ACOT7: variants seen among roughly 807,000 people sequenced by gnomAD.
ACOT7 encodes the protein cytosolic acyl coenzyme A thioester hydrolase.
In ACOT7, 12 loss-of-function variants were observed where a neutral mutation model predicts 40.2. That is an observed-to-expected ratio of 0.30 (90% confidence interval 0.19 to 0.48). ACOT7 has a LOEUF of 0.48. Among genes scored for constraint, ACOT7 ranks in the 20% least tolerant of loss-of-function variants. The probability of loss-of-function intolerance (pLI) is 0.99; values close to 1 mark genes in which losing one functional copy is unlikely to be tolerated. For synonymous variants in ACOT7, 228 were observed against 219.5 expected (o/e 1.04, Z -0.34); for missense variants, 395 against 530.8 (o/e 0.74, Z 2.51).
intron 7 of ACOT7, among the ~76,000 whole-genome samples, chr1:6,292,284 G>T (rs1571276793): frequency 6.6e-6 from 1 of 152,260 alleles, no homozygotes; most frequent in South Asian, 2.1e-4. Context: ...CCGAGACGAG[G>T]TGGGGGCCTG....
chr1:6,350,103 G>T (rs1489388687), intron 1 of ACOT7, among the ~76,000 whole-genome samples: 2 of 152,212 alleles, frequency 1.3e-5, no homozygotes, highest in East Asian at 3.8e-4. Context: ...GGGCAGAGGG[G>T]CACTTTCTCC....
In ACOT7 at chr1:6,358,422, C is replaced by T. The variant is rs989173266; in HGVS notation, c.144-8556G>A. ...CTCCTTGTGCAGCCCACAGACCCCC[C>T]CTCCACCGCAGGTAGGAAGCTCAGC... On this transcript the variant is annotated intron_variant, in intron 1 of 8. Coordinates refer to ENST00000361521, the MANE Select transcript of ACOT7 (RefSeq NM_007274.4). The surrounding 1 kb of genome is among the most constrained non-coding windows in gnomAD (Gnocchi z 4.1). Among the ~76,000 whole-genome samples the T allele has an allele frequency of 6.6e-6, 1 of 152,222 alleles. No homozygotes were observed. The highest frequency in any genetic ancestry group is 1.5e-5 in the Non-Finnish European group (1 of 68,034).
chr1:6,323,851 C>T (rs1222579052), intron 5 of ACOT7, among the ~76,000 whole-genome samples: 1 of 149,378 alleles, frequency 6.7e-6, no homozygotes, highest in East Asian at 2.0e-4. Flanking sequence ...ACGAGGCCAC[C>T]CCTGTGGAGG....
intron 1 of ACOT7, among the ~76,000 whole-genome samples, chr1:6,357,081 T>C (rs760574971): frequency 4.0e-5 from 6 of 149,648 alleles, no homozygotes; most frequent in African/African-American, 7.4e-5. Flanking sequence ...CTACTAAAAA[T>C]ACAAAATTAG....
intron 6 of ACOT7, among the ~76,000 whole-genome samples, chr1:6,296,778 C>T (rs1383361825): frequency 2.0e-5 from 3 of 151,980 alleles, no homozygotes; most frequent in African/African-American, 7.3e-5. Context: ...TGCTATATTG[C>T]CCAGGCTGGT....
intron 2 of ACOT7, 150 bp from the exon 3 acceptor site, chr1:6,339,739 G>GTTTTT (rs57275707): frequency 2.8e-4 from 149 of 526,284 alleles, no homozygotes; most frequent in Non-Finnish European, 3.3e-4. Context: ...TGGCACCGCG[G>GTTTTT]TTTTTTTTTT....
intron 3 of ACOT7, among the ~76,000 whole-genome samples, chr1:6,337,575 C>T (rs539817851): frequency 6.6e-6 from 1 of 152,290 alleles, no homozygotes; most frequent in East Asian, 1.9e-4. Context: ...AAGCTCAGTA[C>T]CCCTGACCTT....
At chr1:6,327,177 G>A (rs17029374) in intron 5 of ACOT7, 122 bp downstream of exon 5, 50,038 of 1,003,284 alleles carry the variant, frequency 0.05, 1,620 homozygotes, top group African/African-American at 0.12. Context: ...ACTGGTTCCC[G>A]GAGAGCATGC....
In ACOT7 at chr1:6,312,482, G is replaced by C. The variant is rs558445082; in HGVS notation, c.712+6010C>G. Among the ~76,000 whole-genome samples, 5 of 123,774 alleles carry C rather than the reference G, an allele frequency of 4.0e-5. No individual in the cohort carries two copies. The East Asian group carries it at 1.3e-3, about 32-fold the overall frequency. The allele number at this position is 123,774 out of a possible 152,430, so 81.2% of individuals were successfully genotyped here. A position where few individuals can be genotyped will look rare whatever the true frequency, so the allele number is the denominator to read the frequency against. On this transcript the variant is annotated intron_variant, in intron 6 of 8. Coordinates refer to ENST00000361521, the MANE Select transcript of ACOT7 (RefSeq NM_007274.4). Reference sequence around the variant, plus strand: ...CTTTCTTTCTTTATTTCTTTATTTCGAGGCAGAGTCTCGCTCTGTCACCCA... The same window carrying C: ...CTTTCTTTCTTTATTTCTTTATTTCCAGGCAGAGTCTCGCTCTGTCACCCA...
chr1:6,341,290 C>G (rs113551394), intron 2 of ACOT7, among the ~76,000 whole-genome samples: 4,130 of 151,770 alleles, frequency 0.027, 191 homozygotes, highest in African/African-American at 0.094. Context: ...TACAGATGTG[C>G]ACCACCACGC....
At chr1:6,302,903 C>T (rs965718801) in intron 6 of ACOT7, among the ~76,000 whole-genome samples, 2 of 152,182 alleles carry the variant, frequency 1.3e-5, no homozygotes, top group African/African-American at 4.8e-5. Context: ...ACACACAAGA[C>T]ACTACAATCA....
chr1:6,353,570 G>A (rs528333932), intron 1 of ACOT7, among the ~76,000 whole-genome samples: 1 of 152,286 alleles, frequency 6.6e-6, no homozygotes, highest in Admixed American at 6.5e-5. Context: ...AAAGGCAGAG[G>A]TTGCAGTGGG....
chr1:6,366,705 G>GAC (rs1642019886), intron 1 of ACOT7, among the ~76,000 whole-genome samples: 1 of 151,540 alleles, frequency 6.6e-6, no homozygotes, highest in Non-Finnish European at 1.5e-5. Flanking sequence ...AGCCAGGCTG[G>GAC]AGTACAGTGG....
rs891223310 is a variant in ACOT7, at chr1:6,358,061, G to T, written c.144-8195C>A. Among the ~76,000 whole-genome samples the T allele has an allele frequency of 6.6e-6, 1 of 151,978 alleles. No individual in the cohort carries two copies. Among genetic ancestry groups the T allele is most frequent in the African/African-American group, 2.4e-5 (1 of 41,356 alleles). On this transcript the variant is annotated intron_variant, in intron 1 of 8. Transcript: ENST00000361521. The surrounding 1 kb of genome is among the most constrained non-coding windows in gnomAD (Gnocchi z 4.1). ...TTTGTATTTTTTAGTAGAGACGGGG[G>T]TTTCACCATGTTGGCCAGGCTGGTC... is the stretch of plus-strand genomic sequence containing the variant.
At chr1:6,286,141 G>C (rs1639497236) in intron 7 of ACOT7, among the ~76,000 whole-genome samples, 1 of 152,212 alleles carries the variant, frequency 6.6e-6, no homozygotes, top group South Asian at 2.1e-4. Context: ...GTGCTGCCTT[G>C]GGATGGCTCC....
intron 1 of ACOT7, among the ~76,000 whole-genome samples, chr1:6,362,100 G>C (rs1164327192): frequency 3.9e-5 from 6 of 152,178 alleles, no homozygotes; most frequent in African/African-American, 1.4e-4. Flanking sequence ...AAAAGACCCA[G>C]TTTTCTGCAG....
chr1:6,292,802 C>T (rs1201456204), intron 7 of ACOT7, among the ~76,000 whole-genome samples: 1 of 151,860 alleles, frequency 6.6e-6, no homozygotes, highest in Non-Finnish European at 1.5e-5. Flanking sequence ...ATGCCTCATC[C>T]TCCCAAGTAG....
At chr1:6,340,165 T>A (rs577166157) in intron 2 of ACOT7, among the ~76,000 whole-genome samples, 49 of 152,074 alleles carry the variant, frequency 3.2e-4, no homozygotes, top group Non-Finnish European at 5.6e-4. Flanking sequence ...ACGGGGTTTC[T>A]CCATGTTAGC....
intron 4 of ACOT7, among the ~76,000 whole-genome samples, chr1:6,328,622 C>T (rs1308784552): frequency 6.6e-6 from 1 of 152,134 alleles, no homozygotes; most frequent in African/African-American, 2.4e-5. Context: ...ATGGAGGTTG[C>T]AGTGAGCCGA....
Sources: gnomAD v4.1 joint callset for allele counts (sites outside exome capture counted in the v4.1 genomes callset) on GRCh38, gnomAD v4.1.1 for gene constraint, Gnocchi (gnomAD v3.1) non-coding constraint, MANE v1.5 for transcripts, NCBI Gene and HGNC (gene_info 2026-07-23, HGNC 2026-07-21) for gene names.